DCC: variants seen among roughly 807,000 people sequenced by gnomAD.
DCC encodes DCC netrin 1 receptor.
DCC carries 58 observed loss-of-function variants against 172.5 expected under a neutral mutation model. The observed-to-expected ratio is 0.34, with a 90% confidence interval of 0.27 to 0.42. The LOEUF (loss-of-function observed/expected upper bound fraction) is 0.42. Among genes scored for constraint, DCC ranks in the 10% least tolerant of loss-of-function variants. DCC has a pLI of 1.00. For missense variants in DCC, 1,740 were observed against 1,791.0 expected (o/e 0.97, Z 0.51); for synonymous variants, 709 against 644.5 (o/e 1.10, Z -1.52).
At chr18:52,505,102 G>GGCA (rs1425536372) in intron 1 of DCC, among the ~76,000 whole-genome samples, 3 of 152,286 alleles carry the variant, frequency 2.0e-5, no homozygotes, top group African/African-American at 7.2e-5. Flanking sequence ...GGAGGGGAAA[G>GGCA]ATCAGAGAAC....
intron 25 of DCC, among the ~76,000 whole-genome samples, chr18:53,483,400 T>C (rs2045861263): frequency 6.6e-6 from 1 of 151,884 alleles, no homozygotes; most frequent in Non-Finnish European, 1.5e-5. Flanking sequence ...TGTTACACAT[T>C]AAATACCTGT....
intron 1 of DCC, among the ~76,000 whole-genome samples, chr18:52,610,171 AAAAAAAAATATATATATATATATATATAT>A (rs1568254137): frequency 8.0e-5 from 2 of 24,872 alleles, no homozygotes; most frequent in Non-Finnish European, 1.4e-4. Context: ...AAAAAAAAAA[AAAAAAAAATATATATATATATATATATAT>A]ATATATATAT....
chr18:52,804,561 G>T (rs948383079), intron 2 of DCC, among the ~76,000 whole-genome samples: 2 of 152,110 alleles, frequency 1.3e-5, no homozygotes, highest in Non-Finnish European at 2.9e-5. Flanking sequence ...CAGGTTTTTT[G>T]TTGTTGTTAG....
chr18:52,596,074 T>C (rs1249860590), intron 1 of DCC, among the ~76,000 whole-genome samples: 1 of 152,216 alleles, frequency 6.6e-6, no homozygotes, highest in Non-Finnish European at 1.5e-5. Context: ...TTTACAACTA[T>C]TGGCTCCTAA....
At chr18:52,933,133 C>T (rs547956823) in intron 5 of DCC, among the ~76,000 whole-genome samples, 18 of 152,148 alleles carry the variant, frequency 1.2e-4, no homozygotes, top group Admixed American at 2.0e-4. Context: ...GCTGGATATA[C>T]GGTGAGCTAA....
intron 1 of DCC, among the ~76,000 whole-genome samples, chr18:52,497,082 C>T (rs951979319): frequency 9.9e-5 from 15 of 150,908 alleles, no homozygotes; most frequent in Non-Finnish European, 1.8e-4. Context: ...GACAAGACTT[C>T]ATCCCTTACA....
intron 12 of DCC, among the ~76,000 whole-genome samples, chr18:53,238,752 A>G (rs1568384694): frequency 6.6e-6 from 1 of 152,142 alleles, no homozygotes; most frequent in Non-Finnish European, 1.5e-5. Flanking sequence ...AAATTGAAAA[A>G]TGCTGTCATA....
chr18:52,567,500 T>G (rs2033186720), intron 1 of DCC, among the ~76,000 whole-genome samples: 1 of 152,120 alleles, frequency 6.6e-6, no homozygotes, highest in Admixed American at 6.6e-5. Context: ...ACTCAACTTC[T>G]CTGTGTCACA....
intron 1 of DCC, among the ~76,000 whole-genome samples, chr18:52,658,242 T>A (rs181695454): frequency 6.6e-6 from 1 of 152,210 alleles, no homozygotes; most frequent in Non-Finnish European, 1.5e-5. Context: ...TTCAGCCAAC[T>A]GCAAGACCTC....
chr18:52,434,392 C>T (rs1987722099), intron 1 of DCC, among the ~76,000 whole-genome samples: 1 of 152,110 alleles, frequency 6.6e-6, no homozygotes, highest in East Asian at 1.9e-4. Context: ...TTACCTGGCC[C>T]AAAATGCTAA....
intron 13 of DCC, among the ~76,000 whole-genome samples, chr18:53,315,423 A>G (rs1033930366): frequency 6.6e-6 from 1 of 152,164 alleles, no homozygotes; most frequent in Non-Finnish European, 1.5e-5. Context: ...CAATAAACAT[A>G]CATGTGCATG....
chr18:52,876,399 C>T (rs1568162502), intron 2 of DCC, among the ~76,000 whole-genome samples: 2 of 152,104 alleles, frequency 1.3e-5, no homozygotes, highest in South Asian at 4.1e-4. Flanking sequence ...CAAATTTGGC[C>T]TATAAAGGCA....
intron 1 of DCC, among the ~76,000 whole-genome samples, chr18:52,692,384 C>A (rs1177451734): frequency 6.6e-6 from 1 of 152,106 alleles, no homozygotes; most frequent in Non-Finnish European, 1.5e-5. Context: ...AGACATTCTG[C>A]CACCTTCTGT....
Position 53,289,385 on chromosome 18 carries a change from A to G in DCC, c.1912-16193A>G, listed in dbSNP as rs1325643316. On this transcript the variant is annotated intron_variant, in intron 12 of 28. Coordinates refer to ENST00000442544, the MANE Select transcript of DCC (RefSeq NM_005215.4). ...ATCATAATCATTCTAATTTAGAGGC[A>G]TAAATTCTCTACGAAGCCAGAATTT... Among the ~76,000 whole-genome samples, 3 of 152,194 alleles carry G rather than the reference A, an allele frequency of 2.0e-5. No individual in the cohort carries two copies. The South Asian group carries it at 6.2e-4, about 31-fold the overall frequency.
At chr18:52,511,387 G>T (rs1188646559) in intron 1 of DCC, among the ~76,000 whole-genome samples, 2 of 151,952 alleles carry the variant, frequency 1.3e-5, no homozygotes, top group African/African-American at 2.4e-5. Flanking sequence ...TTTGAAAGAA[G>T]AGAATAAATA....
At chr18:53,137,301 G>T (rs191914321) in intron 7 of DCC, among the ~76,000 whole-genome samples, 315 of 152,266 alleles carry the variant, frequency 2.1e-3, no homozygotes, top group African/African-American at 7.2e-3. Flanking sequence ...CAATCTCTCA[G>T]ATTATTGGCA....
intron 2 of DCC, among the ~76,000 whole-genome samples, chr18:52,865,501 G>A (rs2096446355): frequency 6.6e-6 from 1 of 152,040 alleles, no homozygotes; most frequent in African/African-American, 2.4e-5. Context: ...TCCAGCATCA[G>A]TTGTTTCCTG....
chr18:52,610,172 A>ATATATATATAT (rs2034234642), intron 1 of DCC, among the ~76,000 whole-genome samples: 1 of 18,820 alleles, frequency 5.3e-5, no homozygotes, highest in Non-Finnish European at 9.2e-5. Context: ...AAAAAAAAAA[A>ATATATATATAT]AAAAAAATAT....
At chr18:52,835,037 T>G (rs1376961938) in intron 2 of DCC, among the ~76,000 whole-genome samples, 3 of 152,240 alleles carry the variant, frequency 2.0e-5, no homozygotes, top group Non-Finnish European at 4.4e-5. Flanking sequence ...CTTAAATGTC[T>G]TATTTTACAT....
Sources: allele counts gnomAD v4.1 joint callset (sites outside exome capture counted in the v4.1 genomes callset), GRCh38; gene constraint gnomAD v4.1.1; transcripts MANE v1.5; gene names NCBI Gene and HGNC (gene_info 2026-07-23, HGNC 2026-07-21).